The following ACOXL variants were observed in gnomAD, a reference collection of about 807,000 sequenced individuals.
ACOXL encodes acyl-CoA oxidase like.
Under a neutral mutation model 71.9 loss-of-function variants are expected in ACOXL, and 70 were observed. The ratio of observed to expected loss-of-function variants is 0.97; its 90% CI spans 0.80 to 1.19. The LOEUF is 1.19. Ranked by LOEUF, ACOXL falls within the 50% of genes most tolerant of loss-of-function variation. ACOXL has a pLI of 0.00. For missense variants in ACOXL, 703 were observed against 736.3 expected (o/e 0.95, Z 0.52); for synonymous variants, 253 against 281.6 (o/e 0.90, Z 1.02).
chr2:111,040,652 C>T lies in ACOXL; in HGVS notation c.1370-8566C>T, dbSNP rs375086623. 4.6e-5 allele frequency among the ~76,000 whole-genome samples: 7 copies of T among 152,282 alleles called. No individual in the cohort carries two copies. The East Asian group carries it at 5.8e-4, about 13-fold the overall frequency. ...CTGGGCAGGGGGTGCAGGGTCCACG[C>T]GGCTCCCCACGAAGTTCCAGTGAGG... On this transcript the variant is annotated intron_variant, in intron 15 of 17. Coordinates refer to ENST00000439055, the MANE Select transcript of ACOXL (RefSeq NM_001142807.4).
intron 16 of ACOXL, among the ~76,000 whole-genome samples, chr2:111,079,517 G>T (rs1303115453): frequency 6.6e-6 from 1 of 152,036 alleles, no homozygotes; most frequent in Non-Finnish European, 1.5e-5. Flanking sequence ...TGGTTCCCTC[G>T]GGCTTCCTCT....
intron 3 of ACOXL, among the ~76,000 whole-genome samples, chr2:110,789,066 G>A (rs891183679): frequency 1.3e-5 from 2 of 152,180 alleles, no homozygotes; most frequent in South Asian, 4.1e-4. Flanking sequence ...TTATCCAGTG[G>A]ATTTGCATTT....
chr2:110,944,601 G>A (rs2061025898), intron 12 of ACOXL, among the ~76,000 whole-genome samples: 1 of 152,058 alleles, frequency 6.6e-6, no homozygotes, highest in African/African-American at 2.4e-5. Flanking sequence ...GTGGTATTTG[G>A]TTTTCTGTTT....
intron 1 of ACOXL, among the ~76,000 whole-genome samples, chr2:110,733,317 TAAG>T (rs74858138): frequency 0.042 from 6,377 of 152,104 alleles, 194 homozygotes; most frequent in African/African-American, 0.07. Context: ...GGTTTGGTTA[TAAG>T]AAGAACTCAG....
rs966253141 is a variant in ACOXL at position 111,018,736 on chromosome 2, G to A, written c.1282-12891G>A. Among the ~76,000 whole-genome samples the A allele has an allele frequency of 3.3e-5, 5 of 152,066 alleles. No individual in the cohort carries two copies. The South Asian group carries it at 8.3e-4, about 25-fold the overall frequency. The stretch of plus-strand genomic sequence containing the variant: ...AGGGGGTGTTGGTGGGACTTGGGAC[G>A]CTGTGATGGGGAGCGAGCTGAGGGA... On this transcript the variant is annotated intron_variant, in intron 14 of 17. Coordinates refer to ENST00000439055, the MANE Select transcript of ACOXL (RefSeq NM_001142807.4).
rs987470589 is a variant in ACOXL, at chr2:111,118,174, G to A, written c.*358G>A. 1 of 375,018 alleles carries A rather than the reference G, an allele frequency of 2.7e-6. No homozygotes were observed. The highest frequency in any genetic ancestry group is 2.2e-5 in the African/African-American group (1 of 46,370). The allele number at this position is 375,018 out of a possible 1,614,324, so 23.2% of individuals were successfully genotyped here. A position where few individuals can be genotyped will look rare whatever the true frequency, so the allele number is the denominator to read the frequency against. The stretch of plus-strand genomic sequence containing the variant: ...CGCCAAAGGTCTCCTGCTGTTAGCG[G>A]TGACTCACATTCCCAGTGATTTAGA... On this transcript the variant is annotated 3_prime_UTR_variant, in exon 18 of 18. Coordinates refer to ENST00000439055, the MANE Select transcript of ACOXL (RefSeq NM_001142807.4).
chr2:110,894,546 T>G (rs1183306020), intron 10 of ACOXL, among the ~76,000 whole-genome samples: 1 of 152,078 alleles, frequency 6.6e-6, no homozygotes, highest in Admixed American at 6.6e-5. Context: ...CGTAACTCCA[T>G]TATCAGGGTG....
At chr2:111,016,696 G>A (rs2064456763) in intron 14 of ACOXL, 1 of 153,064 alleles carries the variant, frequency 6.5e-6, no homozygotes, top group Non-Finnish European at 1.5e-5. Context: ...AAATGGCAGT[G>A]GGTGCCCAGG....
At chr2:110,984,034 C>T (rs1282739987) in intron 12 of ACOXL, among the ~76,000 whole-genome samples, 1 of 151,864 alleles carries the variant, frequency 6.6e-6, no homozygotes, top group Non-Finnish European at 1.5e-5. Flanking sequence ...TTGGTAGAGA[C>T]GGGGTTTCAC....
chr2:111,042,907 G>A (rs948066106), intron 15 of ACOXL, among the ~76,000 whole-genome samples: 1 of 152,240 alleles, frequency 6.6e-6, no homozygotes, highest in East Asian at 1.9e-4. Flanking sequence ...CTGCAAAGAG[G>A]TCGTGGCAGT....
intron 15 of ACOXL, among the ~76,000 whole-genome samples, chr2:111,039,627 TAGTGTA>T (rs1558900020): frequency 1.3e-5 from 2 of 152,202 alleles, no homozygotes; most frequent in African/African-American, 4.8e-5. Flanking sequence ...TATATAACAT[TAGTGTA>T]AGTAGAGATT....
At chr2:111,030,656 C>T (rs952486582) in intron 14 of ACOXL, among the ~76,000 whole-genome samples, 4 of 151,710 alleles carry the variant, frequency 2.6e-5, no homozygotes, top group Admixed American at 6.6e-5. Flanking sequence ...GAGGGCACGT[C>T]AGGGTGTGAG....
At chr2:110,823,146 G>A (rs1055117044) in intron 9 of ACOXL, among the ~76,000 whole-genome samples, 43 of 151,920 alleles carry the variant, frequency 2.8e-4, no homozygotes, top group African/African-American at 9.4e-4. Context: ...CCAGCTACTC[G>A]GGAGGCTGAG....
At chr2:110,757,695 T>A (rs1322842578) in intron 1 of ACOXL, among the ~76,000 whole-genome samples, 1 of 152,206 alleles carries the variant, frequency 6.6e-6, no homozygotes, top group Non-Finnish European at 1.5e-5. Context: ...ATGTATGTCT[T>A]CTTTTGAGAA....
chr2:111,064,416 A>G (rs1273240078), intron 16 of ACOXL, among the ~76,000 whole-genome samples: 7 of 150,104 alleles, frequency 4.7e-5, no homozygotes, highest in Non-Finnish European at 7.4e-5. Context: ...GGACTGGGCG[A>G]AAGAGCGACA....
At chr2:110,863,009 G>A (rs544166057) in intron 10 of ACOXL, among the ~76,000 whole-genome samples, 1 of 152,162 alleles carries the variant, frequency 6.6e-6, no homozygotes, top group Non-Finnish European at 1.5e-5. Flanking sequence ...CTGAGTAACC[G>A]AGTAGGTGTT....
chr2:110,862,369 G>A (rs555258845), intron 10 of ACOXL, among the ~76,000 whole-genome samples: 3 of 152,312 alleles, frequency 2.0e-5, no homozygotes, highest in East Asian at 3.9e-4. Context: ...TAATCCCAGC[G>A]ACTCAAGGCA....
At chr2:110,811,189 A>G (rs1334459828) in intron 9 of ACOXL, among the ~76,000 whole-genome samples, 1 of 152,224 alleles carries the variant, frequency 6.6e-6, no homozygotes, top group Non-Finnish European at 1.5e-5. Flanking sequence ...TGGACACCAC[A>G]CTTCACAGAA....
At chr2:110,946,276 T>C (rs1294916593) in intron 12 of ACOXL, among the ~76,000 whole-genome samples, 1 of 152,230 alleles carries the variant, frequency 6.6e-6, no homozygotes, top group Non-Finnish European at 1.5e-5. Context: ...CTCTAAGAGC[T>C]TTTGGGTAGA....
Sources: gnomAD v4.1 joint callset for allele counts (sites outside exome capture counted in the v4.1 genomes callset) on GRCh38, gnomAD v4.1.1 for gene constraint, MANE v1.5 for transcripts, NCBI Gene and HGNC (gene_info 2026-07-23, HGNC 2026-07-21) for gene names.